The following NTN4 variants were observed in gnomAD, a reference collection of about 807,000 sequenced individuals.
NTN4 encodes netrin-4.
A neutral mutation model predicts 73.6 loss-of-function variants in NTN4; 32 were observed. That is an observed-to-expected ratio of 0.44 (90% confidence interval 0.33 to 0.58). NTN4 has a LOEUF of 0.58. NTN4 is among the 20% of genes least tolerant of loss of function. The pLI is 0.04. For missense variants in NTN4, 654 were observed against 798.3 expected (o/e 0.82, Z 2.18); for synonymous variants, 258 against 287.5 (o/e 0.90, Z 1.04).
chr12:95,674,446 G>T (rs117336876), intron 7 of NTN4, among the ~76,000 whole-genome samples: 3 of 152,040 alleles, frequency 2.0e-5, no homozygotes, highest in Non-Finnish European at 4.4e-5. Flanking sequence ...CAGCCCAGAT[G>T]TGTTTTCTTA....
At chr12:95,753,343 C>T (rs1463868873) in intron 2 of NTN4, among the ~76,000 whole-genome samples, 1 of 148,220 alleles carries the variant, frequency 6.7e-6, no homozygotes, top group African/African-American at 2.5e-5. Flanking sequence ...CTTCCCTACA[C>T]ATCAAGCTCG....
chr12:95,750,468 T>C (rs1000982022), intron 2 of NTN4, among the ~76,000 whole-genome samples: 13 of 152,316 alleles, frequency 8.5e-5, no homozygotes, highest in Admixed American at 2.0e-4. Context: ...CAATGCCACT[T>C]GACCCCAATA....
At chr12:95,787,965 A>T (rs1213708374) in intron 1 of NTN4, among the ~76,000 whole-genome samples, 3 of 152,200 alleles carry the variant, frequency 2.0e-5, no homozygotes, top group Non-Finnish European at 4.4e-5. Context: ...TATTATGAGA[A>T]TGTATTTAGA....
chr12:95,684,344 A>C (rs2078343186), intron 5 of NTN4, among the ~76,000 whole-genome samples: 1 of 151,840 alleles, frequency 6.6e-6, no homozygotes, highest in African/African-American at 2.4e-5. Flanking sequence ...TATCACCAAG[A>C]CCAGAGTGCA....
chr12:95,698,249 A>G (rs1270229216), intron 5 of NTN4, among the ~76,000 whole-genome samples: 1 of 152,188 alleles, frequency 6.6e-6, no homozygotes, highest in African/African-American at 2.4e-5. Context: ...TAGCACATAA[A>G]GCTATAACTT....
intron 2 of NTN4, among the ~76,000 whole-genome samples, chr12:95,748,244 A>AAAG (rs2078876690): frequency 7.2e-6 from 1 of 138,484 alleles, no homozygotes; most frequent in Non-Finnish European, 1.5e-5. Flanking sequence ...AAAAAAAAAA[A>AAAG]AAAAGAAAAG....
At chr12:95,741,630 T>C (rs1040499608) in intron 2 of NTN4, among the ~76,000 whole-genome samples, 35 of 145,624 alleles carry the variant, frequency 2.4e-4, no homozygotes, top group Admixed American at 7.6e-4. Flanking sequence ...GTGTTTAATA[T>C]ATATATATAA....
intron 2 of NTN4, among the ~76,000 whole-genome samples, chr12:95,752,451 C>T (rs2121221093): frequency 6.6e-6 from 1 of 151,612 alleles, no homozygotes; most frequent in South Asian, 2.1e-4. Context: ...CCCTTCATCC[C>T]AGCCTCTCTT....
chr12:95,713,366 G>T, intron 3 of NTN4, 28 bp from the exon 4 acceptor site: 1 of 1,541,442 alleles, frequency 6.5e-7, no homozygotes, highest in South Asian at 1.2e-5. Flanking sequence ...TGAGAACTAT[G>T]AGCACACATG....
intron 7 of NTN4, among the ~76,000 whole-genome samples, chr12:95,675,129 T>TAA (rs1420248009): frequency 6.6e-6 from 1 of 152,210 alleles, no homozygotes; most frequent in East Asian, 1.9e-4. Flanking sequence ...AAATTCATAG[T>TAA]AAAGACTTGT....
rs1408940923 is a variant in NTN4 at position 95,789,091 on chromosome 12, C to T, written c.55+1164G>A. ...TCCAATAATTTTAAATGCCCCTAAA[C>T]TCCTAAGTCCAGAAAAGATTTGAGC... is the stretch of plus-strand genomic sequence containing the variant. On this transcript the variant is annotated intron_variant, in intron 1 of 9. Coordinates refer to ENST00000343702, the MANE Select transcript of NTN4 (RefSeq NM_021229.4). The surrounding 1 kb of genome is among the most constrained non-coding windows in gnomAD (Gnocchi z 4.0). Among the ~76,000 whole-genome samples, 1 of 152,190 alleles carries T rather than the reference C, an allele frequency of 6.6e-6. No individual in the cohort carries two copies. Among genetic ancestry groups the T allele is most frequent in the Non-Finnish European group, 1.5e-5 (1 of 68,032 alleles).
At chr12:95,682,057 C>CTTTTTTT (rs557973212) in intron 7 of NTN4, among the ~76,000 whole-genome samples, 2,746 of 64,458 alleles carry the variant, frequency 0.043, 752 homozygotes, top group African/African-American at 0.073. Flanking sequence ...ATTCAGTAGG[C>CTTTTTTT]TTTTTTTTTT....
intron 2 of NTN4, among the ~76,000 whole-genome samples, chr12:95,783,469 C>T (rs1266174853): frequency 6.6e-6 from 1 of 152,186 alleles, no homozygotes; most frequent in African/African-American, 2.4e-5. Context: ...CAGGAGAAAA[C>T]TGTTTGGCAA....
At chr12:95,732,977 T>C (rs1383230517) in intron 3 of NTN4, among the ~76,000 whole-genome samples, 7 of 152,176 alleles carry the variant, frequency 4.6e-5, no homozygotes, top group Non-Finnish European at 1.0e-4. Context: ...GTTCCACAGA[T>C]CTCAGCATTT....
At chr12:95,782,821 C>T (rs1416611954) in intron 2 of NTN4, among the ~76,000 whole-genome samples, 1 of 152,144 alleles carries the variant, frequency 6.6e-6, no homozygotes, top group Non-Finnish European at 1.5e-5. Context: ...GTCGTGCTCC[C>T]TTCTAAGGAG....
At chr12:95,719,931 T>C (rs1176380900) in intron 3 of NTN4, among the ~76,000 whole-genome samples, 2 of 152,190 alleles carry the variant, frequency 1.3e-5, no homozygotes, top group African/African-American at 4.8e-5. Context: ...TGCTTATTCT[T>C]TGTCTATACT....
rs949776836 is a variant in NTN4, at chr12:95,786,511, T to C, written c.585+428A>G. 2.6e-5 allele frequency among the ~76,000 whole-genome samples: 4 copies of C among 152,260 alleles called. No homozygotes were observed. The East Asian group carries it at 7.7e-4, about 29-fold the overall frequency. On this transcript the variant is annotated intron_variant, in intron 2 of 9. Transcript: ENST00000343702. ...AAAAGTATCCTTCTGTCAAACAGAT[T>C]TTTTTTTCTTTCTTGGCTTTGTTTT... is the stretch of plus-strand genomic sequence containing the variant.
intron 4 of NTN4, among the ~76,000 whole-genome samples, chr12:95,711,194 G>C (rs1295691733): frequency 1.3e-5 from 2 of 151,996 alleles, no homozygotes; most frequent in Non-Finnish European, 1.5e-5. Context: ...TAGCCTTCCA[G>C]TTTTTCATTA....
At chr12:95,677,360 A>G (rs546912175) in intron 7 of NTN4, among the ~76,000 whole-genome samples, 38 of 141,750 alleles carry the variant, frequency 2.7e-4, no homozygotes, top group African/African-American at 7.8e-4. Flanking sequence ...ACTGTGTCTC[A>G]ATGGTTTTAT....
Sources: allele counts gnomAD v4.1 joint callset (sites outside exome capture counted in the v4.1 genomes callset), GRCh38; gene constraint gnomAD v4.1.1; non-coding constraint Gnocchi (gnomAD v3.1); transcripts MANE v1.5; gene names NCBI Gene and HGNC (gene_info 2026-07-23, HGNC 2026-07-21).